The following INPP4B variants were observed in gnomAD, a reference collection of about 807,000 sequenced individuals.
INPP4B encodes inositol polyphosphate 4-phosphatase type II.
Under a neutral mutation model 122.5 loss-of-function variants are expected in INPP4B, and 55 were observed. That is an observed-to-expected ratio of 0.45 (90% confidence interval 0.36 to 0.56). INPP4B has a LOEUF of 0.56. Among genes scored for constraint, INPP4B ranks in the 20% least tolerant of loss-of-function variants. The pLI is 0.00. For missense variants in INPP4B, 1,000 were observed against 1,097.7 expected, an observed-to-expected ratio of 0.91 and a Z score of 1.26; for synonymous variants, 403 against 388.7, an observed-to-expected ratio of 1.04 and a Z score of -0.43.
intron 2 of INPP4B, among the ~76,000 whole-genome samples, chr4:142,589,886 T>C (rs4340863): frequency 0.014 from 2,141 of 151,984 alleles, 41 homozygotes; most frequent in African/African-American, 0.041. Flanking sequence ...TGACCTTTGA[T>C]AGAAAAACAG....
At chr4:142,441,773 C>T (rs1048725022) in intron 3 of INPP4B, among the ~76,000 whole-genome samples, 1 of 149,296 alleles carries the variant, frequency 6.7e-6, no homozygotes, top group African/African-American at 2.5e-5. Context: ...CTCTACTTAG[C>T]TGATATTTCT....
chr4:142,297,726 A>G (rs1759395328), intron 9 of INPP4B, among the ~76,000 whole-genome samples: 1 of 152,222 alleles, frequency 6.6e-6, no homozygotes, highest in African/African-American at 2.4e-5. Flanking sequence ...GTATTTCTTT[A>G]TAGCAATGCA....
At chr4:142,812,535 G>A (rs1028423502) in intron 1 of INPP4B, among the ~76,000 whole-genome samples, 1 of 151,788 alleles carries the variant, frequency 6.6e-6, no homozygotes, top group Non-Finnish European at 1.5e-5. Context: ...TTGTCTTCTT[G>A]CCTACTGTAT....
intron 25 of INPP4B, among the ~76,000 whole-genome samples, chr4:142,048,377 T>A (rs1009809137): frequency 6.6e-6 from 1 of 152,042 alleles, no homozygotes; most frequent in Admixed American, 6.6e-5. Flanking sequence ...AAATGAAATA[T>A]ATGTTCTGAA....
chr4:142,303,603 A>G (rs936855837), intron 9 of INPP4B, among the ~76,000 whole-genome samples: 1 of 152,128 alleles, frequency 6.6e-6, no homozygotes, highest in South Asian at 2.1e-4. Context: ...GCTACGATAA[A>G]TCTATAATCT....
intron 7 of INPP4B, among the ~76,000 whole-genome samples, chr4:142,353,140 A>G (rs1579822963): frequency 6.6e-6 from 1 of 152,020 alleles, no homozygotes; most frequent in East Asian, 1.9e-4. Context: ...GATGTCTTCA[A>G]CCTTTTATTA....
At position 142,108,230 on chromosome 4, in the gene INPP4B, C is replaced by T. The variant is rs201643741; in HGVS notation, c.2277-40G>A. On this transcript the variant is annotated intron_variant, in intron 22 of 25. Coordinates refer to ENST00000262992, the MANE Select transcript of INPP4B (RefSeq NM_001101669.3). The stretch of plus-strand genomic sequence containing the variant: ...AAGAAAACAGCTGTGGGTTATAAAA[C>T]GGTACCAAAAAGTAACACATTTTAC... 4.0e-4 allele frequency: 431 copies of T among 1,082,518 alleles called. 1 individual carries two copies. The African/African-American group carries it at 5.2e-3, about 13-fold the overall frequency. 67.1% of individuals were successfully genotyped at this position (1,082,518 alleles called of 1,614,324 possible).
intron 15 of INPP4B, among the ~76,000 whole-genome samples, chr4:142,185,222 G>C (rs1417383200): frequency 6.6e-6 from 1 of 152,086 alleles, no homozygotes; most frequent in Non-Finnish European, 1.5e-5. Context: ...ATTGAACAGT[G>C]GGGTGGATGG....
intron 18 of INPP4B, among the ~76,000 whole-genome samples, chr4:142,133,311 T>C (rs1393304982): frequency 6.6e-6 from 1 of 152,184 alleles, no homozygotes; most frequent in Non-Finnish European, 1.5e-5. Context: ...CTGAACTCTA[T>C]TCTTATATGT....
At chr4:142,282,682 C>T (rs1751746790) in intron 9 of INPP4B, among the ~76,000 whole-genome samples, 1 of 152,140 alleles carries the variant, frequency 6.6e-6, no homozygotes, top group Non-Finnish European at 1.5e-5. Flanking sequence ...TAAGGCCCTC[C>T]ACATTGGCAG....
chr4:142,459,308 A>G (rs1816227143), intron 3 of INPP4B, among the ~76,000 whole-genome samples: 1 of 151,722 alleles, frequency 6.6e-6, no homozygotes, highest in Non-Finnish European at 1.5e-5. Flanking sequence ...AAAAAAAACA[A>G]AGGTGATAAG....
At position 142,377,326 on chromosome 4, in the gene INPP4B, TA is replaced by T. The variant is rs536209789; in HGVS notation, c.372+25611del. On this transcript the variant is annotated intron_variant, in intron 7 of 25. Transcript: ENST00000262992. ...AGCAAAGTAGGATTGTGAGGAAAGT[TA>T]AAAAAAAAAAAATCCTTATCTGCTG... Among the ~76,000 whole-genome samples the T allele has an allele frequency of 8.4e-3, 1,207 of 143,398 alleles. 6 individuals carry two copies. The highest frequency in any genetic ancestry group is 0.018 in the Admixed American group (255 of 14,284). The allele number at this position is 143,398 out of a possible 152,430, so 94.1% of individuals were successfully genotyped here.
intron 2 of INPP4B, among the ~76,000 whole-genome samples, chr4:142,686,087 G>T (rs867740191): frequency 1.3e-5 from 2 of 152,060 alleles, no homozygotes; most frequent in South Asian, 2.1e-4. Flanking sequence ...AACTGGGACT[G>T]CAAAGGCTTC....
intron 2 of INPP4B, among the ~76,000 whole-genome samples, chr4:142,586,852 A>G (rs1256180023): frequency 1.3e-5 from 2 of 152,162 alleles, no homozygotes; most frequent in African/African-American, 4.8e-5. Context: ...TAGCCAGGAA[A>G]GAGGCAAGTG....
intron 2 of INPP4B, among the ~76,000 whole-genome samples, chr4:142,627,006 A>T (rs1746588750): frequency 6.6e-6 from 1 of 151,972 alleles, no homozygotes; most frequent in East Asian, 1.9e-4. Flanking sequence ...CTTTTGTAAG[A>T]GGCTGTATAT....
chr4:142,666,412 A>G (rs1292877254), intron 2 of INPP4B, among the ~76,000 whole-genome samples: 2 of 152,142 alleles, frequency 1.3e-5, no homozygotes, highest in African/African-American at 4.8e-5. Context: ...ACAAAAAGTA[A>G]TCAGAGATAA....
At chr4:142,365,928 G>A (rs529145916) in intron 7 of INPP4B, among the ~76,000 whole-genome samples, 2 of 152,020 alleles carry the variant, frequency 1.3e-5, no homozygotes, top group Admixed American at 6.6e-5. Context: ...TTCTCAAAAC[G>A]AAATGGTGGT....
intron 7 of INPP4B, among the ~76,000 whole-genome samples, chr4:142,380,549 T>C (rs1434662245): frequency 5.3e-5 from 8 of 152,302 alleles, no homozygotes; most frequent in African/African-American, 1.9e-4. Flanking sequence ...ATGTATTTTG[T>C]GTAGAAGTAA....
chr4:142,054,054 A>G (rs1329969803), intron 25 of INPP4B, among the ~76,000 whole-genome samples: 3 of 134,372 alleles, frequency 2.2e-5, no homozygotes, highest in Middle Eastern at 3.8e-3. Flanking sequence ...ACCTTCATGT[A>G]TTGTCTTTGG....
Sources: gnomAD v4.1 joint callset for allele counts (sites outside exome capture counted in the v4.1 genomes callset) on GRCh38, gnomAD v4.1.1 for gene constraint, MANE v1.5 for transcripts, NCBI Gene and HGNC (gene_info 2026-07-23, HGNC 2026-07-21) for gene names.